The following SLC2A8 variants were observed in gnomAD, a reference collection of about 807,000 sequenced individuals.
The protein encoded by SLC2A8 is solute carrier family 2 member 8, also known as solute carrier family 2, facilitated glucose transporter member 8.
SLC2A8 carries 53 observed loss-of-function variants against 49.2 expected under a neutral mutation model. The observed-to-expected ratio is 1.08, with a 90% CI of 0.86 to 1.35. The LOEUF (loss-of-function observed/expected upper bound fraction) is 1.35. SLC2A8 is among the 40% of genes most tolerant of loss of function. The pLI, the probability that SLC2A8 is intolerant of heterozygous loss-of-function variation, is 0.00. For synonymous variants in SLC2A8, 299 were observed against 297.0 expected, an observed-to-expected ratio of 1.01 and a Z score of -0.07; for missense variants, 688 against 671.7, an observed-to-expected ratio of 1.02 and a Z score of -0.27.
intron 2 of SLC2A8, 98 bp from the exon 3 acceptor site, chr9:127,397,807 G>A: frequency 4.7e-6 from 6 of 1,282,700 alleles, no homozygotes; most frequent in Non-Finnish European, 6.2e-6. Flanking sequence ...CGGGCGCGGG[G>A]CCCCGGCTCT....
At chr9:127,397,709 C>T (rs952375964) in intron 2 of SLC2A8, among the ~76,000 whole-genome samples, 171 bp downstream of exon 2, 2 of 152,176 alleles carry the variant, frequency 1.3e-5, no homozygotes, top group South Asian at 2.1e-4. Flanking sequence ...CATCCCTTCC[C>T]TCGGGACGGG....
chr9:127,397,563 C>A (rs2131869849), intron 2 of SLC2A8, 25 bp downstream of exon 2: 1 of 1,382,926 alleles, frequency 7.2e-7, no homozygotes, highest in Non-Finnish European at 9.3e-7. Flanking sequence ...TCGCTCCTCC[C>A]GCCCTGGGAC....
chr9:127,397,223 C>A lies in SLC2A8; in HGVS notation c.-8C>A. The A allele has an allele frequency of 6.9e-7, 1 of 1,457,538 alleles. No homozygotes were observed. The highest frequency in any genetic ancestry group is 9.0e-7 in the Non-Finnish European group (1 of 1,112,914). The allele number at this position is 1,457,538 out of a possible 1,614,324, so 90.3% of individuals were successfully genotyped here. A position where few individuals can be genotyped will look rare whatever the true frequency, so the allele number is the denominator to read the frequency against. On this transcript the variant is annotated 5_prime_UTR_variant, in exon 1 of 10. Coordinates refer to ENST00000373371, the MANE Select transcript of SLC2A8 (RefSeq NM_014580.5). ...GCCAGAGCTGGCCGATCGGCGTTGG[C>A]CGCCGACATGACGCCCGAGGACCCA...
At chr9:127,406,545 C>T (rs940338504) in intron 9 of SLC2A8, among the ~76,000 whole-genome samples, 2 of 131,316 alleles carry the variant, frequency 1.5e-5, no homozygotes, top group Admixed American at 7.3e-5. Flanking sequence ...AGAAGGCCTT[C>T]GAGGAGGGAG....
At chr9:127,404,482 G>C in intron 7 of SLC2A8, 1 of 325,320 alleles carries the variant, frequency 3.1e-6, no homozygotes, top group Non-Finnish European at 5.7e-6. Context: ...ATCCACGTGA[G>C]GCCTTCAGCA....
rs778305705 is a variant in SLC2A8 at position 127,399,761 on chromosome 9, A to G, written c.427-146A>G. On this transcript the variant is annotated intron_variant, in intron 3 of 9. Coordinates refer to ENST00000373371, the MANE Select transcript of SLC2A8 (RefSeq NM_014580.5). This position sits in a 1 kb window ranked among gnomAD's most constrained non-coding sequence, Gnocchi z 4.2. Reference sequence around the variant, plus strand: ...TAGGCCCAGCTAATTTTGTATTTTTAGTAGAGATGGGGTTTCTCCCTGTTG... The same window carrying G: ...TAGGCCCAGCTAATTTTGTATTTTTGGTAGAGATGGGGTTTCTCCCTGTTG... 2 of 574,794 alleles carry G rather than the reference A, an allele frequency of 3.5e-6. No individual in the cohort carries two copies. The highest frequency in any genetic ancestry group is 6.2e-6 in the Non-Finnish European group (2 of 321,874). The allele number at this position is 574,794 out of a possible 1,614,324, so 35.6% of individuals were successfully genotyped here.
At position 127,397,252 on chromosome 9, in the gene SLC2A8, G is replaced by A. The variant is rs1833054798; in HGVS notation, c.22G>A (p.Glu8Lys). 7.0e-7 allele frequency: 1 copy of A among 1,434,576 alleles called. No homozygotes were observed. 88.9% of individuals were successfully genotyped at this position (1,434,576 alleles called of 1,614,324 possible). ...CGACATGACGCCCGAGGACCCAGAG[G>A]AAACCCAGCCGCTTCTGGGGCCTCC... MTPEDPE[E>K]TQPLLGPPGG... Residue 8 changes from glutamate to lysine, a missense_variant, in exon 1 of 10, where the codon GAA becomes AAA. Coordinates refer to ENST00000373371, the MANE Select transcript of SLC2A8 (RefSeq NM_014580.5).
Position 127,402,640 on chromosome 9 carries a change from G to A in SLC2A8, c.610G>A (p.Glu204Lys), listed in dbSNP as rs748609075. The A allele has an allele frequency of 1.8e-5, 28 of 1,594,852 alleles. No homozygotes were observed. Among genetic ancestry groups the A allele is most frequent in the Admixed American group, 3.5e-5 (2 of 57,658 alleles). The change falls in exon 5 of 10, where the codon GAG (glutamate) becomes AAG (lysine). Residue 204 changes from glutamate (E) to lysine (K), a missense_variant. Physicochemically the swap from Glu to Lys is moderately conservative, Grantham distance 56. Coordinates refer to ENST00000373371, the MANE Select transcript of SLC2A8 (RefSeq NM_014580.5). ...GCTGCTTCTCATGTGCTTCATGCCCGAGACCCCGCGCTTCCTGCTGACTCA... is the reference window on the plus strand; with the variant it reads ...GCTGCTTCTCATGTGCTTCATGCCCAAGACCCCGCGCTTCCTGCTGACTCA... ...LMLLLMCFMP[E>K]TPRFLLTQHR...
At chr9:127,404,646 C>A in intron 7 of SLC2A8, 172 bp from the exon 8 acceptor site, 1 of 704,958 alleles carries the variant, frequency 1.4e-6, no homozygotes, top group Non-Finnish European at 2.3e-6. Context: ...CGCTGAGGTC[C>A]AAGGCGGGGT....
At chr9:127,400,909 A>G (rs1833260319) in intron 4 of SLC2A8, among the ~76,000 whole-genome samples, 1 of 152,202 alleles carries the variant, frequency 6.6e-6, no homozygotes, top group Non-Finnish European at 1.5e-5. Context: ...AGCCTGGCCA[A>G]CATGGTGAAA....
Position 127,397,169 on chromosome 9 carries a change from G to A in SLC2A8, c.-62G>A, listed in dbSNP as rs553553695. ...TGGCTGCGAGAGGCCGGTGCGGGCC[G>A]CACTCGCAGGGCCCGTGGCGGTTCA... On this transcript the variant is annotated 5_prime_UTR_variant, in exon 1 of 10. Coordinates refer to ENST00000373371, the MANE Select transcript of SLC2A8 (RefSeq NM_014580.5). 2.1e-6 allele frequency: 3 copies of A among 1,401,750 alleles called. No individual in the cohort carries two copies. The highest frequency in any genetic ancestry group is 1.5e-5 in the African/African-American group (1 of 65,816). The allele number at this position is 1,401,750 out of a possible 1,614,324, so 86.8% of individuals were successfully genotyped here. A position where few individuals can be genotyped will look rare whatever the true frequency, so the allele number is the denominator to read the frequency against.
rs1181180120 is a variant in SLC2A8 at position 127,397,496 on chromosome 9, C to T, written c.177C>T (p.Pro59=). The stretch of plus-strand genomic sequence containing the variant: ...TCCCTAGCCTGCAGCGCGCCGCGCC[C>T]CCGGCCCCGCGCCTGGACGACGCCG... ...PAIPSLQRAA[P]PAPRLDDAAA... Residue 59 remains proline (P), a synonymous_variant, in exon 2 of 10, where the codon CCC becomes CCT. Coordinates refer to ENST00000373371, the MANE Select transcript of SLC2A8 (RefSeq NM_014580.5). 2 of 1,452,096 alleles carry T rather than the reference C, an allele frequency of 1.4e-6. No individual in the cohort carries two copies. The highest frequency in any genetic ancestry group is 1.5e-5 in the African/African-American group (1 of 66,908). 90.0% of individuals were successfully genotyped at this position (1,452,096 alleles called of 1,614,324 possible).
Position 127,407,290 on chromosome 9 carries a change from G to C in SLC2A8, c.*41G>C, listed in dbSNP as rs776270546. On this transcript the variant is annotated 3_prime_UTR_variant, in exon 10 of 10. Transcript: ENST00000373371. ...GGATGGAGCAAGCCTGTGACTCCAA[G>C]CTGGGCCCAAGCCCAGAGCCCCTGC... The C allele has an allele frequency of 6.2e-7, 1 of 1,611,264 alleles. No homozygotes were observed. The highest frequency in any genetic ancestry group is 8.5e-7 in the Non-Finnish European group (1 of 1,178,904).
chr9:127,407,171 C>A lies in SLC2A8; in HGVS notation c.1356C>A (p.Val452=). 1 of 1,613,714 alleles carries A rather than the reference C, an allele frequency of 6.2e-7. No homozygotes were observed. The highest frequency in any genetic ancestry group is 8.5e-7 in the Non-Finnish European group (1 of 1,180,010). ...WLASAFCIFS[V]LFTLFCVPET... Reference sequence around the variant, plus strand: ...CCTCCGCTTTCTGCATCTTCAGTGTCCTTTTCACTTTGTTCTGTGTCCCTG... The same window carrying A: ...CCTCCGCTTTCTGCATCTTCAGTGTACTTTTCACTTTGTTCTGTGTCCCTG... The change falls in exon 10 of 10, where the codon GTC becomes GTA. Residue 452 remains valine (V), a synonymous_variant. Transcript: ENST00000373371.
Position 127,407,157 on chromosome 9 carries a change from T to G in SLC2A8, c.1342T>G (p.Cys448Gly). 2 of 1,613,690 alleles carry G rather than the reference T, an allele frequency of 1.2e-6. No homozygotes were observed. Among genetic ancestry groups the G allele is most frequent in the Non-Finnish European group, 1.7e-6 (2 of 1,180,002 alleles). Residue 448 changes from cysteine (C) to glycine (G), a missense_variant, in exon 10 of 10, where the codon TGC becomes GGC. Transcript: ENST00000373371. ...YGAFWLASAF[C>G]IFSVLFTLFC... is the part of the protein sequence containing the mutation. ...AGCCTTCTGGCTTGCCTCCGCTTTC[T>G]GCATCTTCAGTGTCCTTTTCACTTT...
chr9:127,402,951 C>T (rs939837130), intron 5 of SLC2A8, among the ~76,000 whole-genome samples, 198 bp downstream of exon 5: 6 of 152,210 alleles, frequency 3.9e-5, no homozygotes, highest in African/African-American at 1.4e-4. Context: ...GAGCTGGGCC[C>T]TGGCCTCCAA....
At position 127,399,930 on chromosome 9, in the gene SLC2A8, C is replaced by G; in HGVS notation, c.450C>G (p.Tyr150Ter). The change falls in exon 4 of 10, where the codon TAC becomes TAG. Residue 150 changes from tyrosine to a stop codon, truncating the protein, a stop_gained. Transcript: ENST00000373371. LOFTEE classifies it high-confidence loss of function. This position sits in a 1 kb window ranked among gnomAD's most constrained non-coding sequence, Gnocchi z 4.2. ...AGGTCTACATCTCCGAAATCGCCTA[C>G]CCAGCAGTCCGGGGGTTGCTCGGCT... is the stretch of plus-strand genomic sequence containing the variant. Reference protein sequence around the residue: ...VAPVYISEIAYPAVRGLLGSC... With the variant: ...VAPVYISEIA 1 of 1,613,754 alleles carries G rather than the reference C, an allele frequency of 6.2e-7. No homozygotes were observed. The highest frequency in any genetic ancestry group is 1.3e-5 in the African/African-American group (1 of 75,010).
chr9:127,403,986 G>A lies in SLC2A8; in HGVS notation c.895G>A (p.Gly299Ser), dbSNP rs748236288. Residue 299 changes from glycine (G) to serine (S), a missense_variant, in exon 7 of 10, where the codon GGT (glycine) becomes AGT (serine). Gly to Ser is a moderately conservative substitution (Grantham distance 56). Coordinates refer to ENST00000373371, the MANE Select transcript of SLC2A8 (RefSeq NM_014580.5). Reference sequence around the variant, plus strand: ...CAGCAGCCTGGCCTCGGTCGTCGTGGGTGTCATCCAGGTGCTGTTCACAGC... The same window carrying A: ...CAGCAGCCTGGCCTCGGTCGTCGTGAGTGTCATCCAGGTGCTGTTCACAGC... ...KDSSLASVVVGVIQVLFTAVA... is the reference protein window; with the variant it reads ...KDSSLASVVVSVIQVLFTAVA... 3.7e-6 allele frequency: 6 copies of A among 1,610,626 alleles called. No individual in the cohort carries two copies. The South Asian group carries it at 5.5e-5, about 15-fold the overall frequency.
intron 4 of SLC2A8, among the ~76,000 whole-genome samples, chr9:127,400,932 T>A (rs963368627): frequency 1.3e-5 from 2 of 152,108 alleles, no homozygotes; most frequent in Non-Finnish European, 2.9e-5. Context: ...CCATTTCTAT[T>A]TAAAATACAA....
Sources: allele counts gnomAD v4.1 joint callset (sites outside exome capture counted in the v4.1 genomes callset), GRCh38; gene constraint gnomAD v4.1.1; non-coding constraint Gnocchi (gnomAD v3.1); transcripts MANE v1.5; gene names NCBI Gene and HGNC (gene_info 2026-07-23, HGNC 2026-07-21).